The following PDE1C variants were observed in gnomAD, a reference collection of about 807,000 sequenced individuals.
PDE1C encodes phosphodiesterase 1C, also known as dual specificity calcium/calmodulin-dependent 3',5'-cyclic nucleotide phosphodiesterase 1C.
A neutral mutation model predicts 93.1 loss-of-function variants in PDE1C; 62 were observed. That is an observed-to-expected ratio of 0.67 (90% CI 0.54 to 0.82). The LOEUF is 0.82. Among genes scored for constraint, PDE1C ranks in the 40% least tolerant of loss-of-function variants. The probability of loss-of-function intolerance (pLI) is 0.00; values close to 1 mark genes in which losing one functional copy is unlikely to be tolerated. For missense variants in PDE1C, 742 were observed against 884.6 expected (o/e 0.84, Z 2.04); for synonymous variants, 325 against 310.1 (o/e 1.05, Z -0.50).
the PDE1C span, among the ~76,000 whole-genome samples, chr7:31,697,593 A>T: frequency 2.0e-5 from 3 of 152,298 alleles, no homozygotes; most frequent in Admixed American, 6.5e-5. Flanking sequence ...CTATGAGCAC[A>T]GCCCCAGTCT....
chr7:31,859,801 T>C (rs1214260486), intron 7 of PDE1C, among the ~76,000 whole-genome samples: 2 of 152,184 alleles, frequency 1.3e-5, no homozygotes, highest in East Asian at 3.8e-4. Context: ...TCTTTTTAGA[T>C]GTTTTTCAAT....
At chr7:31,902,203 A>G (rs1800068914) in intron 2 of PDE1C, among the ~76,000 whole-genome samples, 1 of 151,306 alleles carries the variant, frequency 6.6e-6, no homozygotes, top group Non-Finnish European at 1.5e-5. Context: ...ATATTATAAC[A>G]AAGTATCATT....
In PDE1C at chr7:32,418,429, G is replaced by A. The variant is rs561310949; in HGVS notation, c.310+9393C>T. Reference sequence around the variant, plus strand: ...AGTTTAATGCTGGTGCATGAAGTATGCCTGGCACAGGGTAAGTGCTCAATA... The same window carrying A: ...AGTTTAATGCTGGTGCATGAAGTATACCTGGCACAGGGTAAGTGCTCAATA... On this transcript the variant is annotated intron_variant, in intron 1 of 1. Transcript: ENST00000672256. Among the ~76,000 whole-genome samples, 13 of 152,288 alleles carry A rather than the reference G, an allele frequency of 8.5e-5. No homozygotes were observed. The South Asian group carries it at 2.3e-3, about 27-fold the overall frequency.
chr7:32,094,486 T>A (rs1424216342), intron 3 of PDE1C, among the ~76,000 whole-genome samples: 1 of 152,208 alleles, frequency 6.6e-6, no homozygotes, highest in Non-Finnish European at 1.5e-5. Context: ...GCTAAACAAG[T>A]TCACATATAT....
intron 17 of PDE1C, among the ~76,000 whole-genome samples, chr7:31,762,154 T>C (rs190544147): frequency 6.6e-6 from 1 of 152,318 alleles, no homozygotes; most frequent in African/African-American, 2.4e-5. Context: ...CACAAAAGCC[T>C]TATAGTGAGG....
chr7:31,681,374 T>TGGAC, the PDE1C span, among the ~76,000 whole-genome samples: 45 of 3,040 alleles, frequency 0.015, no homozygotes, highest in South Asian at 0.059. Context: ...GATGGACGGA[T>TGGAC]GGATGGATGG....
chr7:32,057,003 C>T (rs1036684856), intron 1 of PDE1C, among the ~76,000 whole-genome samples: 1 of 152,186 alleles, frequency 6.6e-6, no homozygotes, highest in Non-Finnish European at 1.5e-5. Flanking sequence ...CAATGTCCCA[C>T]TTAACCTAGC....
intron 2 of PDE1C, among the ~76,000 whole-genome samples, chr7:32,042,754 C>G (rs1445232220): frequency 6.6e-6 from 1 of 152,228 alleles, no homozygotes; most frequent in Non-Finnish European, 1.5e-5. Flanking sequence ...TCTGTGCTAA[C>G]TGGCAGCTTT....
intron 16 of PDE1C, among the ~76,000 whole-genome samples, chr7:31,776,641 C>G (rs1029382776): frequency 2.6e-5 from 4 of 151,966 alleles, no homozygotes; most frequent in Admixed American, 2.6e-4. Context: ...TATATACACA[C>G]AGACACATAT....
the PDE1C span, among the ~76,000 whole-genome samples, chr7:31,657,561 C>G: frequency 6.6e-6 from 1 of 152,174 alleles, no homozygotes; most frequent in East Asian, 1.9e-4. Flanking sequence ...CCTAGCAACT[C>G]TTAGCTTAAT....
the PDE1C span, chr7:31,686,930 CAG>C: frequency 6.6e-6 from 1 of 152,158 alleles, no homozygotes; most frequent in Non-Finnish European, 1.5e-5. Flanking sequence ...TCTTGTGCCT[CAG>C]TTTCCATATT....
Position 31,828,393 on chromosome 7 carries a change from T to C in PDE1C, c.1204-20A>G, listed in dbSNP as rs1360569288. On this transcript the variant is annotated intron_variant, in intron 11 of 17. Transcript: ENST00000396191. The stretch of plus-strand genomic sequence containing the variant: ...GTCACCCTGGAAAAATAAAAGGTCA[T>C]AGTAAATTAAGGAACAGTAGGCTGG... 3.7e-6 allele frequency: 6 copies of C among 1,604,990 alleles called. No individual in the cohort carries two copies. The East Asian group carries it at 9.0e-5, about 24-fold the overall frequency.
chr7:31,724,666 A>C, the PDE1C span, among the ~76,000 whole-genome samples: 2 of 152,144 alleles, frequency 1.3e-5, no homozygotes, highest in Non-Finnish European at 2.9e-5. Context: ...AAACCTGCTA[A>C]AGTGTCTTAT....
chr7:32,068,054 G>A (rs1795611415), intron 1 of PDE1C, among the ~76,000 whole-genome samples: 1 of 152,222 alleles, frequency 6.6e-6, no homozygotes. Flanking sequence ...ACATCCTGAA[G>A]TGAGATGTCT....
intron 17 of PDE1C, among the ~76,000 whole-genome samples, chr7:31,766,112 C>T (rs529647961): frequency 2.0e-5 from 3 of 152,260 alleles, no homozygotes; most frequent in Non-Finnish European, 2.9e-5. Context: ...GGGCCCGGCG[C>T]GGTGGCTCAT....
chr7:31,734,163 T>C, the PDE1C span, among the ~76,000 whole-genome samples: 12 of 152,200 alleles, frequency 7.9e-5, no homozygotes, highest in Non-Finnish European at 1.6e-4. Context: ...GAAGGCACCG[T>C]ATGGTGTGAT....
At chr7:32,410,948 A>G (rs890753286) in intron 1 of PDE1C, among the ~76,000 whole-genome samples, 2 of 152,172 alleles carry the variant, frequency 1.3e-5, no homozygotes, top group African/African-American at 4.8e-5. Flanking sequence ...TATTTGAACT[A>G]TTTGAGCAAA....
the PDE1C span, among the ~76,000 whole-genome samples, chr7:31,651,635 G>A: frequency 6.6e-6 from 1 of 152,098 alleles, no homozygotes; most frequent in African/African-American, 2.4e-5. Flanking sequence ...AGAGGCATAC[G>A]GGTTTTTCTT....
At chr7:31,721,920 C>T in the PDE1C span, among the ~76,000 whole-genome samples, 2 of 152,266 alleles carry the variant, frequency 1.3e-5, no homozygotes, top group East Asian at 3.9e-4. Flanking sequence ...ACAACAATCC[C>T]ACTCCCAGAG....
Sources: allele counts gnomAD v4.1 joint callset (sites outside exome capture counted in the v4.1 genomes callset), GRCh38; gene constraint gnomAD v4.1.1; transcripts MANE v1.5; gene names NCBI Gene and HGNC (gene_info 2026-07-23, HGNC 2026-07-21).